Variants in MCC observed in about 807,000 individuals in gnomAD.
MCC encodes MCC regulator of Wnt signaling pathway.
A neutral mutation model predicts 116.2 loss-of-function variants in MCC; 90 were observed. The ratio of observed to expected loss-of-function variants is 0.77; its 90% CI spans 0.65 to 0.92. MCC has a LOEUF of 0.92. Among genes scored for constraint, MCC ranks in the 40% least tolerant of loss-of-function variants. MCC has a pLI of 0.00. For synonymous variants in MCC, 578 were observed against 510.5 expected (o/e 1.13, Z -1.78); for missense variants, 1,516 against 1,312.2 (o/e 1.16, Z -2.40).
At chr5:113,223,699 C>T (rs572238051) in intron 3 of MCC, among the ~76,000 whole-genome samples, 3 of 151,962 alleles carry the variant, frequency 2.0e-5, no homozygotes, top group East Asian at 1.9e-4. Flanking sequence ...ACAGAATGAC[C>T]GATCTACAAA....
intron 3 of MCC, among the ~76,000 whole-genome samples, chr5:113,293,969 T>G (rs916641636): frequency 8.5e-5 from 13 of 152,166 alleles, no homozygotes; most frequent in Non-Finnish European, 1.5e-4. Context: ...TCATCGGGAA[T>G]GTCCGTGTAT....
chr5:113,186,933 AC>A (rs1761922874), intron 3 of MCC, among the ~76,000 whole-genome samples: 1 of 152,196 alleles, frequency 6.6e-6, no homozygotes, highest in African/African-American at 2.4e-5. Flanking sequence ...GCCCAGGGAT[AC>A]TGCTAAACAT....
At chr5:113,171,121 C>T (rs1044329109) in intron 3 of MCC, among the ~76,000 whole-genome samples, 1 of 152,018 alleles carries the variant, frequency 6.6e-6, no homozygotes, top group Non-Finnish European at 1.5e-5. Context: ...CACAAGAAAG[C>T]TCCTGAGTCA....
intron 3 of MCC, among the ~76,000 whole-genome samples, chr5:113,264,468 G>C (rs181366856): frequency 3.9e-5 from 6 of 152,234 alleles, no homozygotes; most frequent in Non-Finnish European, 4.4e-5. Context: ...CAGAGGTCTT[G>C]TGGGATTAAT....
At chr5:113,071,835 G>A (rs1343472209) in intron 11 of MCC, among the ~76,000 whole-genome samples, 1 of 152,198 alleles carries the variant, frequency 6.6e-6, no homozygotes, top group Admixed American at 6.5e-5. Context: ...GGAAGAATCA[G>A]TGAGTGAACA....
intron 3 of MCC, among the ~76,000 whole-genome samples, chr5:113,269,566 A>G (rs568851225): frequency 9.2e-5 from 14 of 152,218 alleles, no homozygotes; most frequent in Admixed American, 5.9e-4. Context: ...TAGGAGCTGT[A>G]AGGTCTTTAT....
chr5:113,197,238 T>A (rs2120349), intron 3 of MCC, among the ~76,000 whole-genome samples: 1 of 151,902 alleles, frequency 6.6e-6, no homozygotes, highest in African/African-American at 2.4e-5. Context: ...GGGGAATTTT[T>A]TTTTCCTAAA....
At chr5:113,273,278 C>T (rs556782228) in intron 3 of MCC, among the ~76,000 whole-genome samples, 3 of 152,214 alleles carry the variant, frequency 2.0e-5, no homozygotes, top group African/African-American at 4.8e-5. Flanking sequence ...CCTTTTCTAA[C>T]AAAATATTCT....
chr5:113,246,567 C>A (rs922800893), intron 3 of MCC, among the ~76,000 whole-genome samples: 2 of 152,204 alleles, frequency 1.3e-5, no homozygotes, highest in East Asian at 3.9e-4. Flanking sequence ...GAATGGAAAG[C>A]AGCAGCGAAT....
intron 3 of MCC, among the ~76,000 whole-genome samples, chr5:113,187,130 T>A (rs573567718): frequency 1.3e-5 from 2 of 152,282 alleles, no homozygotes; most frequent in South Asian, 4.2e-4. Flanking sequence ...CCTCCTATAG[T>A]TTATCCTCCA....
intron 1 of MCC, chr5:113,433,541 ATTTGAC>A (rs1478761447): frequency 6.5e-5 from 43 of 666,438 alleles, no homozygotes; most frequent in Admixed American, 1.2e-4. Context: ...TCAGCCTTGG[ATTTGAC>A]TTTGGCCTCA....
rs765746616 is a variant in MCC at position 113,385,205 on chromosome 5, A to G, written c.178T>C (p.Leu60=). The change falls in exon 2 of 19, where the codon TTG becomes CTG. Residue 60 remains leucine, a synonymous_variant. Coordinates refer to ENST00000408903, the MANE Select transcript of MCC (RefSeq NM_001085377.2). ...TTCAGCTGGCGACAGACCATTAGCA[A>G]GTCATTTCTGCAGAAGGGGTTGAAC... The part of the protein sequence containing the change: ...DGDGYISRND[L]LMVCRQLNME... The G allele has an allele frequency of 6.2e-7, 1 of 1,613,794 alleles. No individual in the cohort carries two copies.
Position 113,160,307 on chromosome 5 carries a change from C to T in MCC, c.628-8885G>A, listed in dbSNP as rs376596274. On this transcript the variant is annotated intron_variant, in intron 3 of 18. Transcript: ENST00000408903. The stretch of plus-strand genomic sequence containing the variant: ...CTGACAATCAGCTTTAAAGATGACC[C>T]ACAATCCCATCCCATCTGTAAACAT... Among the ~76,000 whole-genome samples the T allele has an allele frequency of 6.6e-5, 10 of 152,324 alleles. No homozygotes were observed. The East Asian group carries it at 1.5e-3, about 24-fold the overall frequency.
chr5:113,102,084 T>C, intron 7 of MCC, 139 bp from the exon 8 acceptor site: 1 of 769,956 alleles, frequency 1.3e-6, no homozygotes, highest in Non-Finnish European at 2.1e-6. Flanking sequence ...TGATCATGAC[T>C]ACAGACACCC....
intron 3 of MCC, among the ~76,000 whole-genome samples, chr5:113,184,199 C>A (rs1761771361): frequency 6.6e-6 from 1 of 152,170 alleles, no homozygotes; most frequent in Admixed American, 6.5e-5. Context: ...TATCGATATT[C>A]TGACAGAACA....
intron 1 of MCC, among the ~76,000 whole-genome samples, chr5:113,432,008 C>T (rs1415715485): frequency 3.3e-5 from 5 of 151,910 alleles, no homozygotes; most frequent in African/African-American, 9.7e-5. Context: ...TGGTGGCACA[C>T]GCCTGTAGTC....
At chr5:113,225,359 A>G (rs552662167) in intron 3 of MCC, among the ~76,000 whole-genome samples, 1 of 152,318 alleles carries the variant, frequency 6.6e-6, no homozygotes, top group South Asian at 2.1e-4. Flanking sequence ...TTCTGCCACC[A>G]TTTAGAATTG....
At chr5:113,255,527 T>C (rs1764972461) in intron 3 of MCC, among the ~76,000 whole-genome samples, 1 of 152,210 alleles carries the variant, frequency 6.6e-6, no homozygotes, top group South Asian at 2.1e-4. Context: ...TGGTTTCCTA[T>C]TCTGAATGAA....
At chr5:113,096,746 C>G (rs1756050761) in intron 8 of MCC, among the ~76,000 whole-genome samples, 1 of 152,178 alleles carries the variant, frequency 6.6e-6, no homozygotes, top group African/African-American at 2.4e-5. Flanking sequence ...GCACCTGTCC[C>G]CTAACCTGCA....
Sources: allele counts gnomAD v4.1 joint callset (sites outside exome capture counted in the v4.1 genomes callset), GRCh38; gene constraint gnomAD v4.1.1; transcripts MANE v1.5; gene names NCBI Gene and HGNC (gene_info 2026-07-23, HGNC 2026-07-21).